Variants in DIS3L2 observed in about 807,000 individuals in gnomAD.
DIS3L2 encodes the protein DIS3-like exonuclease 2.
Under a neutral mutation model 97.5 loss-of-function variants are expected in DIS3L2, and 34 were observed. That is an observed-to-expected ratio of 0.35 (90% CI 0.27 to 0.46). DIS3L2 has a LOEUF of 0.46. Among genes scored for constraint, DIS3L2 ranks in the 20% least tolerant of loss-of-function variants. The pLI, the probability that DIS3L2 is intolerant of heterozygous loss-of-function variation, is 1.00. For missense variants in DIS3L2, 1,038 were observed against 1,146.0 expected (o/e 0.91, Z 1.36); for synonymous variants, 435 against 445.2 (o/e 0.98, Z 0.29).
At chr2:232,074,633 C>A (rs1352889563) in intron 5 of DIS3L2, among the ~76,000 whole-genome samples, 1 of 145,650 alleles carries the variant, frequency 6.9e-6, no homozygotes, top group African/African-American at 2.6e-5. Flanking sequence ...AGGTTCACCA[C>A]GTGAGCAGTG....
intron 6 of DIS3L2, among the ~76,000 whole-genome samples, chr2:232,105,018 A>AT (rs1278218390): frequency 6.6e-6 from 1 of 152,018 alleles, no homozygotes; most frequent in Non-Finnish European, 1.5e-5. Context: ...GGGTTTCACT[A>AT]TGTTGCCCAG....
intron 10 of DIS3L2, among the ~76,000 whole-genome samples, chr2:232,220,594 C>T (rs1339996817): frequency 1.3e-5 from 2 of 151,986 alleles, no homozygotes; most frequent in Non-Finnish European, 2.9e-5. Flanking sequence ...GTAATCCCAG[C>T]TACTTGGAAG....
chr2:232,095,272 T>G (rs1238300474), intron 6 of DIS3L2, among the ~76,000 whole-genome samples: 1 of 152,230 alleles, frequency 6.6e-6, no homozygotes, highest in Non-Finnish European at 1.5e-5. Context: ...GTGATTTTTC[T>G]CTGGTAATAT....
chr2:232,124,386 T>G (rs1472019829), intron 6 of DIS3L2, among the ~76,000 whole-genome samples: 1 of 152,208 alleles, frequency 6.6e-6, no homozygotes, highest in Non-Finnish European at 1.5e-5. Flanking sequence ...AACATTAAAT[T>G]AATGAAATTA....
rs570098802 is a variant in DIS3L2, at chr2:232,281,108, T to C, written c.1659+17668T>C. 3.6e-4 allele frequency among the ~76,000 whole-genome samples: 55 copies of C among 152,196 alleles called. No homozygotes were observed. The highest frequency in any genetic ancestry group is 2.9e-3 in the East Asian group (15 of 5,166). On this transcript the variant is annotated intron_variant, in intron 13 of 20. Coordinates refer to ENST00000325385, the MANE Select transcript of DIS3L2 (RefSeq NM_152383.5). The surrounding 1 kb of genome is among the most constrained non-coding windows in gnomAD (Gnocchi z 4.1). ...AACTTGTTTGCTCTGCCTTGAAATA[T>C]GAGTGTTTTCGGCTGGGCACGGTGG... is the stretch of plus-strand genomic sequence containing the variant.
chr2:232,155,530 T>G lies in DIS3L2; in HGVS notation c.951-7929T>G, dbSNP rs115211510. Reference sequence around the variant, plus strand: ...AGTAACTCCACTAGAATATATTTCATTGGTGATTTTCTGTAATTTTCTTTT... The same window carrying G: ...AGTAACTCCACTAGAATATATTTCAGTGGTGATTTTCTGTAATTTTCTTTT... On this transcript the variant is annotated intron_variant, in intron 8 of 20. Transcript: ENST00000325385. Among the ~76,000 whole-genome samples the G allele has an allele frequency of 2.9e-3, 435 of 152,340 alleles. 1 individual carries two copies. Among genetic ancestry groups the G allele is most frequent in the Non-Finnish European group, 4.7e-3 (323 of 68,026 alleles).
intron 11 of DIS3L2, among the ~76,000 whole-genome samples, chr2:232,245,266 C>T (rs929139664): frequency 5.9e-5 from 9 of 152,184 alleles, no homozygotes; most frequent in African/African-American, 2.2e-4. Context: ...TGTAGCTGAC[C>T]TGGGTGCATG....
chr2:232,200,780 G>GTTTT (rs1183177130), intron 9 of DIS3L2, among the ~76,000 whole-genome samples: 10 of 124,784 alleles, frequency 8.0e-5, no homozygotes, highest in South Asian at 6.8e-4. Context: ...TGACCAAAAG[G>GTTTT]TTTTTTTTTT....
In DIS3L2 at chr2:232,335,802, G is replaced by A. The variant is rs369113667; in HGVS notation, c.2424G>A (p.Gln808=). 310 of 1,550,732 alleles carry A rather than the reference G, an allele frequency of 2.0e-4. No homozygotes were observed. The highest frequency in any genetic ancestry group is 2.6e-4 in the Non-Finnish European group (299 of 1,147,030). Residue 808 remains glutamine, a synonymous_variant, in exon 20 of 21, where the codon CAG becomes CAA. Coordinates refer to ENST00000325385, the MANE Select transcript of DIS3L2 (RefSeq NM_152383.5). ...TGGCCCTGCGGTCCCACCACTTCCAGAAGGTGGGCAAGAAGCCGGAACTCA... is the reference window on the plus strand; with the variant it reads ...TGGCCCTGCGGTCCCACCACTTCCAAAAGGTGGGCAAGAAGCCGGAACTCA... ...NALALRSHHF[Q]KVGKKPELTL...
chr2:232,227,738 A>G (rs560309878), intron 10 of DIS3L2, among the ~76,000 whole-genome samples: 2 of 152,350 alleles, frequency 1.3e-5, no homozygotes, highest in African/African-American at 4.8e-5. Context: ...ACCGGAATAT[A>G]AAGCAGTGAG....
intron 9 of DIS3L2, among the ~76,000 whole-genome samples, chr2:232,169,163 G>A (rs1316777700): frequency 6.6e-6 from 1 of 152,146 alleles, no homozygotes; most frequent in Non-Finnish European, 1.5e-5. Flanking sequence ...TTTAAAAACA[G>A]TATTGATTTT....
Position 232,050,294 on chromosome 2 carries a change from C to T in DIS3L2, c.366+20214C>T, listed in dbSNP as rs182560888. Among the ~76,000 whole-genome samples the T allele has an allele frequency of 3.6e-4, 54 of 152,070 alleles. 2 individuals carry two copies. The highest frequency in any genetic ancestry group is 1.5e-3 in the South Asian group (7 of 4,818). ...ACATTTCTTTTTTCTTTTTTTGAGACGGAGTCTCGCTCTGTCGCCCAGGCT... is the reference window on the plus strand; with the variant it reads ...ACATTTCTTTTTTCTTTTTTTGAGATGGAGTCTCGCTCTGTCGCCCAGGCT... On this transcript the variant is annotated intron_variant, in intron 5 of 20. Transcript: ENST00000325385.
intron 9 of DIS3L2, among the ~76,000 whole-genome samples, chr2:232,194,058 C>T (rs939911845): frequency 7.2e-5 from 11 of 151,814 alleles, no homozygotes; most frequent in South Asian, 2.1e-4. Flanking sequence ...TGCAGTGAGC[C>T]GGGATCGTAC....
At chr2:232,290,336 C>T (rs1694565950) in intron 13 of DIS3L2, among the ~76,000 whole-genome samples, 1 of 152,206 alleles carries the variant, frequency 6.6e-6, no homozygotes, top group Non-Finnish European at 1.5e-5. Flanking sequence ...GATCGGGAAG[C>T]TGCTGAGGTA....
chr2:232,245,927 T>C (rs964556881), intron 11 of DIS3L2, among the ~76,000 whole-genome samples: 4 of 152,232 alleles, frequency 2.6e-5, no homozygotes, highest in Non-Finnish European at 4.4e-5. Context: ...TCATAAAATG[T>C]TTTATGTGAT....
At chr2:232,195,265 A>G (rs1385759138) in intron 9 of DIS3L2, among the ~76,000 whole-genome samples, 1 of 152,206 alleles carries the variant, frequency 6.6e-6, no homozygotes, top group African/African-American at 2.4e-5. Context: ...AGACACTGTA[A>G]CAGCCCAATG....
At chr2:232,141,499 A>G (rs966160444) in intron 8 of DIS3L2, among the ~76,000 whole-genome samples, 2 of 152,074 alleles carry the variant, frequency 1.3e-5, no homozygotes, top group African/African-American at 4.8e-5. Context: ...AAAAATGAAT[A>G]GGTCATTACA....
intron 10 of DIS3L2, among the ~76,000 whole-genome samples, chr2:232,227,040 A>G (rs1219718494): frequency 2.6e-5 from 4 of 152,186 alleles, no homozygotes; most frequent in Non-Finnish European, 5.9e-5. Flanking sequence ...TAACTGATAT[A>G]TGGACAGCTC....
At chr2:232,331,297 T>C (rs994264277) in intron 16 of DIS3L2, among the ~76,000 whole-genome samples, 3 of 152,196 alleles carry the variant, frequency 2.0e-5, no homozygotes, top group African/African-American at 7.2e-5. Flanking sequence ...CAGGCTGAGC[T>C]TCCCCCATGC....
Sources: gnomAD v4.1 joint callset for allele counts (sites outside exome capture counted in the v4.1 genomes callset) on GRCh38, gnomAD v4.1.1 for gene constraint, Gnocchi (gnomAD v3.1) non-coding constraint, MANE v1.5 for transcripts, NCBI Gene and HGNC (gene_info 2026-07-23, HGNC 2026-07-21) for gene names.